PLXDC2: variants seen among roughly 807,000 people sequenced by gnomAD.
PLXDC2 encodes plexin domain containing 2.
In PLXDC2, 40 loss-of-function variants were observed where a neutral mutation model predicts 68.9. The ratio of observed to expected loss-of-function variants is 0.58; its 90% CI spans 0.45 to 0.76. The LOEUF (loss-of-function observed/expected upper bound fraction) is 0.76, where lower values mean the gene tolerates loss of function less well. PLXDC2 is among the 30% of genes least tolerant of loss of function. The pLI, the probability that PLXDC2 is intolerant of heterozygous loss-of-function variation, is 0.00. For missense variants in PLXDC2, 644 were observed against 661.9 expected (o/e 0.97, Z 0.30); for synonymous variants, 243 against 234.2 (o/e 1.04, Z -0.34).
intron 4 of PLXDC2, among the ~76,000 whole-genome samples, chr10:20,076,459 T>C (rs1219747365): frequency 6.6e-6 from 1 of 152,214 alleles, no homozygotes; most frequent in African/African-American, 2.4e-5. Context: ...GGTGCATAAA[T>C]TTGTTGTGAT....
chr10:20,018,548 A>T (rs948572631), intron 2 of PLXDC2, among the ~76,000 whole-genome samples: 1 of 152,190 alleles, frequency 6.6e-6, no homozygotes, highest in African/African-American at 2.4e-5. Context: ...AGTTTTTGAA[A>T]TTGCAGTCAC....
chr10:20,271,192 C>A (rs1413787342), intron 13 of PLXDC2, among the ~76,000 whole-genome samples: 2 of 149,380 alleles, frequency 1.3e-5, no homozygotes, highest in African/African-American at 5.0e-5. Context: ...AGAAAATATA[C>A]CATCCTAGAA....
chr10:20,158,094 T>G (rs1265949222), intron 6 of PLXDC2, among the ~76,000 whole-genome samples: 1 of 152,144 alleles, frequency 6.6e-6, no homozygotes, highest in Admixed American at 6.5e-5. Context: ...AGTTTAGAGT[T>G]TTTATTATTT....
intron 12 of PLXDC2, among the ~76,000 whole-genome samples, chr10:20,243,288 A>G (rs1162165228): frequency 6.6e-6 from 1 of 152,116 alleles, no homozygotes; most frequent in Non-Finnish European, 1.5e-5. Flanking sequence ...TTACCTATAA[A>G]ACAGAAATAA....
chr10:20,258,868 C>T (rs1263277777), intron 13 of PLXDC2, among the ~76,000 whole-genome samples: 2 of 151,864 alleles, frequency 1.3e-5, no homozygotes, highest in East Asian at 1.9e-4. Context: ...ATTAGCCGGG[C>T]GTGGTGGCAG....
intron 7 of PLXDC2, among the ~76,000 whole-genome samples, chr10:20,176,478 T>C (rs1834528885): frequency 6.6e-6 from 1 of 152,040 alleles, no homozygotes; most frequent in South Asian, 2.1e-4. Context: ...GCAATATTAT[T>C]AACTATGATC....
chr10:20,136,117 C>T (rs1010160534), intron 4 of PLXDC2, among the ~76,000 whole-genome samples: 4 of 152,168 alleles, frequency 2.6e-5, no homozygotes, highest in African/African-American at 9.6e-5. Flanking sequence ...CTGAATGCTT[C>T]TATCTCTTCC....
At chr10:19,818,102 A>G (rs1836390356) in intron 1 of PLXDC2, among the ~76,000 whole-genome samples, 1 of 152,180 alleles carries the variant, frequency 6.6e-6, no homozygotes, top group Admixed American at 6.5e-5. Flanking sequence ...AAATTGGTGA[A>G]CTAGGGTGGA....
chr10:20,218,574 ATAAGATCTCTTTAT>A (rs1392573355), intron 11 of PLXDC2, among the ~76,000 whole-genome samples: 1 of 152,134 alleles, frequency 6.6e-6, no homozygotes, highest in Admixed American at 6.6e-5. Context: ...TTCAGTCAGG[ATAAGATCTCTTTAT>A]ATAGAATTTT....
At chr10:19,903,382 C>A (rs952424915) in intron 1 of PLXDC2, among the ~76,000 whole-genome samples, 1 of 151,322 alleles carries the variant, frequency 6.6e-6, no homozygotes, top group African/African-American at 2.4e-5. Flanking sequence ...AGAGTTTCTA[C>A]ATCTTCCTGG....
At chr10:19,828,735 T>C (rs1351905436) in intron 1 of PLXDC2, among the ~76,000 whole-genome samples, 1 of 152,164 alleles carries the variant, frequency 6.6e-6, no homozygotes, top group Non-Finnish European at 1.5e-5. Context: ...AGAAGAGGTG[T>C]TTGAAAATAG....
At chr10:20,141,372 G>T (rs996689309) in intron 4 of PLXDC2, among the ~76,000 whole-genome samples, 1 of 152,028 alleles carries the variant, frequency 6.6e-6, no homozygotes, top group Non-Finnish European at 1.5e-5. Flanking sequence ...AGGGATTGCT[G>T]CTGTTCTTCT....
intron 2 of PLXDC2, among the ~76,000 whole-genome samples, chr10:20,023,088 GTATA>G (rs895435100): frequency 6.8e-6 from 1 of 146,222 alleles, no homozygotes; most frequent in African/African-American, 2.5e-5. Flanking sequence ...ATATATATAT[GTATA>G]TATATAATAT....
chr10:19,986,887 G>T (rs1318859413), intron 1 of PLXDC2, among the ~76,000 whole-genome samples: 1 of 152,186 alleles, frequency 6.6e-6, no homozygotes, highest in Non-Finnish European at 1.5e-5. Context: ...TTACTTTTGA[G>T]TGGGACTGGA....
chr10:20,068,590 A>C (rs929872097), intron 4 of PLXDC2, among the ~76,000 whole-genome samples: 1 of 148,316 alleles, frequency 6.7e-6, no homozygotes, highest in African/African-American at 2.5e-5. Flanking sequence ...TTTTCTTTTA[A>C]TGTATATAGT....
intron 1 of PLXDC2, among the ~76,000 whole-genome samples, chr10:19,870,636 G>A (rs557732004): frequency 2.0e-5 from 3 of 152,186 alleles, no homozygotes; most frequent in African/African-American, 7.2e-5. Context: ...ATGTTGGCCA[G>A]GCTGGTCTTG....
At chr10:19,927,563 G>A (rs191754936) in intron 1 of PLXDC2, among the ~76,000 whole-genome samples, 229 of 151,744 alleles carry the variant, frequency 1.5e-3, no homozygotes, top group African/African-American at 5.3e-3. Context: ...TTAGCTGGGC[G>A]TGGTGGCGCA....
chr10:19,928,749 CTTTTTTTTTTTTT>C lies in PLXDC2; in HGVS notation c.113-73015_113-73003del, dbSNP rs796581734. Among the ~76,000 whole-genome samples, 563 of 105,208 alleles carry C rather than the reference CTTTTTTTTTTTTT, an allele frequency of 5.4e-3. 8 individuals are homozygous for C. The highest frequency in any genetic ancestry group is 0.019 in the African/African-American group (532 of 27,994). 69.0% of individuals were successfully genotyped at this position (105,208 alleles called of 152,430 possible). On this transcript the variant is annotated intron_variant, in intron 1 of 13. Transcript: ENST00000377252. Reference sequence around the variant, plus strand: ...TTCGGTGATGGAAGGGAAGATAGGACTTTTTTTTTTTTTTTTTTTTTTTGAAACAGAGACTTGC... The same window carrying C: ...TTCGGTGATGGAAGGGAAGATAGGACTTTTTTTTTTGAAACAGAGACTTGC...
chr10:19,837,405 AGAGAGTGT>A lies in PLXDC2; in HGVS notation c.112+20216_112+20223del, dbSNP rs1332066338. Among the ~76,000 whole-genome samples, 244 of 45,014 alleles carry A rather than the reference AGAGAGTGT, an allele frequency of 5.4e-3. 1 individual carries two copies. Among genetic ancestry groups the A allele is most frequent in the African/African-American group, 0.015 (224 of 14,690 alleles). 29.5% of individuals were successfully genotyped at this position (45,014 alleles called of 152,430 possible). ...GTAAGTGAGAGAGAGAGAGAGAGAG[AGAGAGTGT>A]GTGTGTGTGTGTGTGTGTGTGTGTG... On this transcript the variant is annotated intron_variant, in intron 1 of 13. Coordinates refer to ENST00000377252, the MANE Select transcript of PLXDC2 (RefSeq NM_032812.9).
Sources: allele counts gnomAD v4.1 joint callset (sites outside exome capture counted in the v4.1 genomes callset), GRCh38; gene constraint gnomAD v4.1.1; transcripts MANE v1.5; gene names NCBI Gene and HGNC (gene_info 2026-07-23, HGNC 2026-07-21).